CNTN5: variants seen among roughly 807,000 people sequenced by gnomAD.
CNTN5 encodes the protein contactin 5.
Under a neutral mutation model 129.1 loss-of-function variants are expected in CNTN5, and 77 were observed. The observed-to-expected ratio is 0.60, with a 90% CI of 0.50 to 0.72. CNTN5 has a LOEUF of 0.72. CNTN5 is among the 30% of genes least tolerant of loss of function. The probability of loss-of-function intolerance (pLI) is 0.00; values close to 1 mark genes in which losing one functional copy is unlikely to be tolerated. For synonymous variants in CNTN5, 509 were observed against 465.6 expected, an observed-to-expected ratio of 1.09 and a Z score of -1.20; for missense variants, 1,478 against 1,328.8, an observed-to-expected ratio of 1.11 and a Z score of -1.75.
At chr11:99,228,738 A>G (rs1860825369) in intron 1 of CNTN5, among the ~76,000 whole-genome samples, 2 of 151,830 alleles carry the variant, frequency 1.3e-5, no homozygotes, top group Admixed American at 6.6e-5. Flanking sequence ...ATGCTATTTA[A>G]ATTGTTTTGT....
intron 1 of CNTN5, among the ~76,000 whole-genome samples, chr11:99,108,824 TAATTA>T (rs1857643186): frequency 6.6e-6 from 1 of 152,102 alleles, no homozygotes; most frequent in Admixed American, 6.5e-5. Context: ...GAAAATTCAC[TAATTA>T]AATATCTGTA....
chr11:99,473,144 A>G (rs1259911927), intron 2 of CNTN5, among the ~76,000 whole-genome samples: 1 of 152,138 alleles, frequency 6.6e-6, no homozygotes, highest in African/African-American at 2.4e-5. Context: ...ACTAGAATGA[A>G]TTATTTTTCT....
At chr11:99,341,164 A>G (rs1361698313) in intron 2 of CNTN5, among the ~76,000 whole-genome samples, 1 of 152,182 alleles carries the variant, frequency 6.6e-6, no homozygotes, top group Non-Finnish European at 1.5e-5. Flanking sequence ...AGGCTTCTCT[A>G]TGAAAGTATG....
chr11:99,640,303 T>C (rs1951724010), intron 3 of CNTN5, among the ~76,000 whole-genome samples: 1 of 152,212 alleles, frequency 6.6e-6, no homozygotes, highest in South Asian at 2.1e-4. Context: ...TAAATTCATA[T>C]ACAAAACTGG....
intron 1 of CNTN5, among the ~76,000 whole-genome samples, chr11:99,078,435 C>T (rs548559707): frequency 1.3e-5 from 2 of 152,182 alleles, no homozygotes; most frequent in South Asian, 2.1e-4. Flanking sequence ...AGGTATGTAC[C>T]CCAAAGAAAG....
chr11:99,142,350 G>C (rs7105720), intron 1 of CNTN5, among the ~76,000 whole-genome samples: 137,126 of 152,110 alleles, frequency 0.9, 62,027 homozygotes, highest in East Asian at 0.99. Flanking sequence ...TAAAACTGTC[G>C]GTGCAGGCTG....
intron 7 of CNTN5, among the ~76,000 whole-genome samples, chr11:99,948,140 T>C (rs1262562626): frequency 5.3e-5 from 8 of 152,238 alleles, no homozygotes; most frequent in Admixed American, 4.6e-4. Context: ...TGGACTGCCA[T>C]TGATTTCAGA....
In CNTN5 at chr11:99,919,179, C is replaced by T. The variant is rs566758301; in HGVS notation, c.673+3030C>T. On this transcript the variant is annotated intron_variant, in intron 7 of 24. Coordinates refer to ENST00000524871, the MANE Select transcript of CNTN5 (RefSeq NM_014361.4). ...CTGTCTTTACGTGCTCTTTTTCTTG[C>T]GACTCCAAGCTTTACTTCCAACGGT... is the stretch of plus-strand genomic sequence containing the variant. Among the ~76,000 whole-genome samples, 94 of 152,244 alleles carry T rather than the reference C, an allele frequency of 6.2e-4. 2 individuals carry two copies. Among genetic ancestry groups the T allele is most frequent in the Middle Eastern group, 3.4e-3 (1 of 294 alleles).
chr11:100,331,629 A>G (rs986389829), intron 21 of CNTN5, among the ~76,000 whole-genome samples: 8 of 152,276 alleles, frequency 5.3e-5, no homozygotes, highest in Admixed American at 2.0e-4. Flanking sequence ...AATTATGTCA[A>G]TTAGTCTCTC....
At chr11:99,989,497 T>C (rs1938912585) in intron 8 of CNTN5, among the ~76,000 whole-genome samples, 1 of 146,030 alleles carries the variant, frequency 6.8e-6, no homozygotes, top group South Asian at 2.2e-4. Flanking sequence ...GCTCCAATTC[T>C]TACACAAATA....
chr11:99,851,245 T>C (rs750707485), intron 6 of CNTN5, among the ~76,000 whole-genome samples: 102 of 152,222 alleles, frequency 6.7e-4, no homozygotes, highest in Non-Finnish European at 7.2e-4. Flanking sequence ...TAGTAAAAAT[T>C]AATGAGGTGG....
chr11:100,000,739 G>A (rs1330626024), intron 8 of CNTN5, among the ~76,000 whole-genome samples: 2 of 152,198 alleles, frequency 1.3e-5, no homozygotes, highest in Non-Finnish European at 2.9e-5. Context: ...CTTCTGCCTG[G>A]ACATCTAGGT....
chr11:99,130,341 C>G (rs1012492124), intron 1 of CNTN5, among the ~76,000 whole-genome samples: 3 of 151,998 alleles, frequency 2.0e-5, no homozygotes, highest in African/African-American at 7.2e-5. Context: ...AGACTTTAAA[C>G]CAACAAAGAT....
intron 1 of CNTN5, among the ~76,000 whole-genome samples, chr11:99,160,085 A>T (rs1860537435): frequency 6.6e-6 from 1 of 152,222 alleles, no homozygotes; most frequent in Non-Finnish European, 1.5e-5. Context: ...ATATAATATT[A>T]AAACTGTAAT....
chr11:99,872,887 C>T (rs1217029778), intron 6 of CNTN5, among the ~76,000 whole-genome samples: 1 of 151,972 alleles, frequency 6.6e-6, no homozygotes, highest in Non-Finnish European at 1.5e-5. Flanking sequence ...TTTCATAAAT[C>T]ATCTAAAAAA....
At chr11:99,713,668 G>C (rs75887219) in intron 3 of CNTN5, among the ~76,000 whole-genome samples, 1 of 151,926 alleles carries the variant, frequency 6.6e-6, no homozygotes, top group East Asian at 1.9e-4. Flanking sequence ...TTAAGACTTC[G>C]TCTCTTTTTT....
chr11:99,716,516 C>G (rs1955238765), intron 3 of CNTN5, among the ~76,000 whole-genome samples: 1 of 151,968 alleles, frequency 6.6e-6, no homozygotes, highest in South Asian at 2.1e-4. Context: ...TCATGCTGCT[C>G]CCATGCAGTC....
chr11:99,081,997 A>G (rs573552476), intron 1 of CNTN5, among the ~76,000 whole-genome samples: 2 of 144,822 alleles, frequency 1.4e-5, no homozygotes, highest in South Asian at 4.6e-4. Flanking sequence ...ACTAACTACA[A>G]CATAAAAGAG....
chr11:99,931,052 C>G (rs564941980), intron 7 of CNTN5, among the ~76,000 whole-genome samples: 1 of 152,196 alleles, frequency 6.6e-6, no homozygotes, highest in Admixed American at 6.5e-5. Flanking sequence ...ACTGTGTTGT[C>G]CATTGAAGCA....
Sources: allele counts gnomAD v4.1 joint callset (sites outside exome capture counted in the v4.1 genomes callset), GRCh38; gene constraint gnomAD v4.1.1; transcripts MANE v1.5; gene names NCBI Gene and HGNC (gene_info 2026-07-23, HGNC 2026-07-21).